The following SNTB1 variants were observed in gnomAD, a reference collection of about 807,000 sequenced individuals.
The protein encoded by SNTB1 is beta-1-syntrophin.
Under a neutral mutation model 48.9 loss-of-function variants are expected in SNTB1, and 36 were observed. The ratio of observed to expected loss-of-function variants is 0.74; its 90% CI spans 0.56 to 0.97. SNTB1 has a LOEUF of 0.97. Ranked by LOEUF, SNTB1 falls within the 50% of genes least tolerant of loss-of-function variation. The probability of loss-of-function intolerance (pLI) is 0.00; values close to 1 mark genes in which losing one functional copy is unlikely to be tolerated. For missense variants in SNTB1, 786 were observed against 703.4 expected (o/e 1.12, Z -1.33); for synonymous variants, 299 against 294.6 (o/e 1.01, Z -0.15).
At chr8:120,617,690 C>T (rs1816737071) in intron 3 of SNTB1, among the ~76,000 whole-genome samples, 1 of 152,108 alleles carries the variant, frequency 6.6e-6, no homozygotes, top group Admixed American at 6.6e-5. Context: ...AATAGCGTGT[C>T]CAACCTTGCT....
chr8:120,799,024 T>C (rs1820170672), intron 1 of SNTB1, among the ~76,000 whole-genome samples: 1 of 152,054 alleles, frequency 6.6e-6, no homozygotes, highest in Admixed American at 6.6e-5. Context: ...AGGGAGTTAA[T>C]GTCCCAGAAG....
chr8:120,560,095 T>C (rs1361583190), intron 4 of SNTB1, among the ~76,000 whole-genome samples: 6 of 152,172 alleles, frequency 3.9e-5, no homozygotes, highest in Admixed American at 3.9e-4. Context: ...AATTGTCAGG[T>C]GAGAGGGGTT....
intron 4 of SNTB1, among the ~76,000 whole-genome samples, chr8:120,550,534 T>C (rs1200534645): frequency 8.1e-6 from 1 of 123,334 alleles, no homozygotes; most frequent in Non-Finnish European, 1.7e-5. Context: ...AGTGCGAGAC[T>C]CTGTCTTTAA....
At position 120,624,619 on chromosome 8, in the gene SNTB1, C is replaced by A. The variant is rs979277441; in HGVS notation, c.996+7825G>T. Among the ~76,000 whole-genome samples, 4 of 152,304 alleles carry A rather than the reference C, an allele frequency of 2.6e-5. No individual in the cohort carries two copies. In the East Asian group the frequency reaches 7.7e-4, roughly 29 times the overall value. On this transcript the variant is annotated intron_variant, in intron 3 of 6. Coordinates refer to ENST00000517992, the MANE Select transcript of SNTB1 (RefSeq NM_021021.4). ...CATTCCACGCCTTCCCCCAAAAATT[C>A]ATGTCCTCCTCACATGCAAAATATA...
At chr8:120,590,780 C>T (rs1364077287) in intron 3 of SNTB1, among the ~76,000 whole-genome samples, 2 of 150,926 alleles carry the variant, frequency 1.3e-5, no homozygotes, top group Admixed American at 6.6e-5. Flanking sequence ...TCCTGGGTCC[C>T]GGTTCAAGCA....
chr8:120,626,118 ACCTAGAATTGG>A (rs1816878165), intron 3 of SNTB1, among the ~76,000 whole-genome samples: 1 of 152,160 alleles, frequency 6.6e-6, no homozygotes, highest in Non-Finnish European at 1.5e-5. Flanking sequence ...GGTTCTAGTT[ACCTAGAATTGG>A]GGGGGATGAG....
chr8:120,751,083 T>C (rs986946585), intron 1 of SNTB1, among the ~76,000 whole-genome samples: 3 of 152,080 alleles, frequency 2.0e-5, no homozygotes, highest in Non-Finnish European at 4.4e-5. Context: ...GAGAACAAGG[T>C]ATCAAGGAAC....
intron 3 of SNTB1, among the ~76,000 whole-genome samples, chr8:120,623,011 T>G (rs1816818013): frequency 6.6e-6 from 1 of 152,184 alleles, no homozygotes; most frequent in Admixed American, 6.5e-5. Flanking sequence ...TGGCTTAAAG[T>G]GGGAGAACTC....
chr8:120,735,014 A>C (rs1336065870), intron 1 of SNTB1, among the ~76,000 whole-genome samples: 1 of 152,216 alleles, frequency 6.6e-6, no homozygotes, highest in Non-Finnish European at 1.5e-5. Context: ...TGAGTCAGGA[A>C]AAGCAGTCAA....
chr8:120,735,166 C>T (rs918189822), intron 1 of SNTB1, among the ~76,000 whole-genome samples: 1 of 152,096 alleles, frequency 6.6e-6, no homozygotes, highest in African/African-American at 2.4e-5. Flanking sequence ...AGGTCAATGC[C>T]ACAAAGTTTA....
At chr8:120,644,975 C>A (rs1390037560) in intron 2 of SNTB1, among the ~76,000 whole-genome samples, 1 of 151,708 alleles carries the variant, frequency 6.6e-6, no homozygotes, top group Non-Finnish European at 1.5e-5. Flanking sequence ...TGAGAAGTGT[C>A]TGTTCATGTC....
chr8:120,790,499 C>A (rs995320181), intron 1 of SNTB1, among the ~76,000 whole-genome samples: 5 of 151,806 alleles, frequency 3.3e-5, no homozygotes, highest in Admixed American at 3.3e-4. Context: ...AAAACTCTTC[C>A]GAGAGATTAC....
chr8:120,630,925 G>A (rs750103405), intron 3 of SNTB1, among the ~76,000 whole-genome samples: 16 of 152,194 alleles, frequency 1.1e-4, no homozygotes, highest in Non-Finnish European at 2.2e-4. Context: ...TAGAGAGGAA[G>A]CCTGGTAATA....
At chr8:120,800,008 T>C (rs4604484) in intron 1 of SNTB1, among the ~76,000 whole-genome samples, 3,400 of 152,148 alleles carry the variant, frequency 0.022, 131 homozygotes, top group African/African-American at 0.078. Context: ...TTAAAAGATA[T>C]CACATTATTG....
intron 1 of SNTB1, among the ~76,000 whole-genome samples, chr8:120,710,488 G>A (rs1385898140): frequency 6.6e-6 from 1 of 152,172 alleles, no homozygotes; most frequent in Non-Finnish European, 1.5e-5. Flanking sequence ...ACTTGCTGTG[G>A]TTAGAATGCG....
chr8:120,573,907 C>A (rs1405674653), intron 4 of SNTB1, among the ~76,000 whole-genome samples: 1 of 152,140 alleles, frequency 6.6e-6, no homozygotes, highest in Non-Finnish European at 1.5e-5. Context: ...ATGCCAGTAT[C>A]ATAAGGTTTT....
At chr8:120,577,003 A>G (rs1476580431) in intron 3 of SNTB1, among the ~76,000 whole-genome samples, 1 of 152,192 alleles carries the variant, frequency 6.6e-6, no homozygotes, top group Admixed American at 6.5e-5. Context: ...TGTGTCAGAC[A>G]CCAATTTTTG....
chr8:120,587,216 G>A (rs1468840992), intron 3 of SNTB1, among the ~76,000 whole-genome samples: 1 of 87,434 alleles, frequency 1.1e-5, no homozygotes, highest in Non-Finnish European at 2.9e-5. Flanking sequence ...GCGAGACTCT[G>A]TCTCAAAAAC....
intron 5 of SNTB1, 55 bp downstream of exon 5, chr8:120,548,707 A>G: frequency 1.3e-6 from 2 of 1,524,822 alleles, no homozygotes; most frequent in Non-Finnish European, 1.8e-6. Flanking sequence ...CCGGTGGAGT[A>G]GAGGGTTCAT....
Sources: allele counts gnomAD v4.1 joint callset (sites outside exome capture counted in the v4.1 genomes callset), GRCh38; gene constraint gnomAD v4.1.1; transcripts MANE v1.5; gene names NCBI Gene and HGNC (gene_info 2026-07-23, HGNC 2026-07-21).